AMOTL1: variants seen among roughly 807,000 people sequenced by gnomAD.
AMOTL1 encodes angiomotin like 1.
In AMOTL1, 45 loss-of-function variants were observed where a neutral mutation model predicts 102.9. The ratio of observed to expected loss-of-function variants is 0.44; its 90% confidence interval spans 0.34 to 0.56. AMOTL1 has a LOEUF of 0.56. Ranked by LOEUF, AMOTL1 falls within the 20% of genes least tolerant of loss-of-function variation. The pLI, the probability that AMOTL1 is intolerant of heterozygous loss-of-function variation, is 0.01. For synonymous variants in AMOTL1, 481 were observed against 484.7 expected (o/e 0.99, Z 0.10); for missense variants, 1,114 against 1,225.6 (o/e 0.91, Z 1.36).
intron 11 of AMOTL1, among the ~76,000 whole-genome samples, chr11:94,867,829 C>T (rs937539336): frequency 4.6e-5 from 7 of 152,118 alleles, no homozygotes; most frequent in African/African-American, 1.2e-4. Context: ...ACAGGCTGGG[C>T]GATGAAGTGG....
At chr11:94,820,577 G>A (rs756752250) in intron 3 of AMOTL1, among the ~76,000 whole-genome samples, 3 of 152,188 alleles carry the variant, frequency 2.0e-5, no homozygotes, top group Non-Finnish European at 4.4e-5. Context: ...GCAGACAATC[G>A]CGGGGTTGGA....
intron 1 of AMOTL1, among the ~76,000 whole-genome samples, chr11:94,793,542 T>C (rs76478614): frequency 0.036 from 5,434 of 152,328 alleles, 406 homozygotes; most frequent in East Asian, 0.28. Context: ...ACCTTGTACC[T>C]TTTTCATTTT....
Position 94,799,922 on chromosome 11 carries a change from G to A in AMOTL1, c.732G>A (p.Ala244=), listed in dbSNP as rs374984236. Reference sequence around the variant, plus strand: ...TGAACCGTGCCAACAGTGGACAGGCGCATAAGGACGAGGCGCTGAAGGAAC... The same window carrying A: ...TGAACCGTGCCAACAGTGGACAGGCACATAAGGACGAGGCGCTGAAGGAAC... ...PTVNRANSGQ[A]HKDEALKELK... The change falls in exon 3 of 13, where the codon GCG becomes GCA. Residue 244 remains alanine (A), a synonymous_variant. Coordinates refer to ENST00000433060, the MANE Select transcript of AMOTL1 (RefSeq NM_130847.3). This position sits in a 1 kb window ranked among gnomAD's most constrained non-coding sequence, Gnocchi z 4.5. 21 of 1,611,248 alleles carry A rather than the reference G, an allele frequency of 1.3e-5. No homozygotes were observed. Among genetic ancestry groups the A allele is most frequent in the African/African-American group, 4.0e-5 (3 of 74,932 alleles).
intron 1 of AMOTL1, among the ~76,000 whole-genome samples, chr11:94,775,131 G>A (rs1328908244): frequency 6.6e-6 from 1 of 152,198 alleles, no homozygotes; most frequent in Non-Finnish European, 1.5e-5. Flanking sequence ...CATAAGAAGT[G>A]AAATTTTGTG....
chr11:94,732,131 G>A (rs1950364186), intron 2 of AMOTL1, among the ~76,000 whole-genome samples: 1 of 152,164 alleles, frequency 6.6e-6, no homozygotes, highest in Non-Finnish European at 1.5e-5. Context: ...TATCTCTGAG[G>A]CTCAATATGG....
At chr11:94,852,267 C>T (rs1174824564) in intron 7 of AMOTL1, among the ~76,000 whole-genome samples, 4 of 152,206 alleles carry the variant, frequency 2.6e-5, no homozygotes, top group Non-Finnish European at 5.9e-5. Flanking sequence ...GCTCTCTCCT[C>T]CTTGAAAGGT....
chr11:94,727,067 G>A (rs753210498), intron 1 of AMOTL1, among the ~76,000 whole-genome samples: 2 of 152,120 alleles, frequency 1.3e-5, no homozygotes, highest in Non-Finnish European at 2.9e-5. Flanking sequence ...TTGCAAATCT[G>A]TTTCCTGGAA....
chr11:94,713,360 T>C (rs929242795), intron 1 of AMOTL1, among the ~76,000 whole-genome samples: 13 of 151,986 alleles, frequency 8.6e-5, no homozygotes, highest in African/African-American at 2.9e-4. Flanking sequence ...TAGAGATCCT[T>C]GGGACTTTTA....
intron 9 of AMOTL1, among the ~76,000 whole-genome samples, chr11:94,861,753 G>A (rs1015505918): frequency 6.6e-6 from 1 of 152,212 alleles, no homozygotes; most frequent in African/African-American, 2.4e-5. Context: ...GCTTCCACGT[G>A]TCATTGTTGT....
chr11:94,752,864 C>T (rs1048478904), intron 3 of AMOTL1, among the ~76,000 whole-genome samples: 1 of 152,132 alleles, frequency 6.6e-6, no homozygotes, highest in Non-Finnish European at 1.5e-5. Flanking sequence ...GTACAATAGT[C>T]TACTGCTGGG....
intron 3 of AMOTL1, among the ~76,000 whole-genome samples, chr11:94,752,020 A>G (rs1010727306): frequency 1.3e-5 from 2 of 152,180 alleles, no homozygotes; most frequent in African/African-American, 4.8e-5. Flanking sequence ...TACTATGATT[A>G]TGGTTTCTGG....
At chr11:94,732,222 C>T (rs1353301770) in intron 2 of AMOTL1, among the ~76,000 whole-genome samples, 2 of 152,188 alleles carry the variant, frequency 1.3e-5, no homozygotes, top group East Asian at 1.9e-4. Flanking sequence ...TGTTGGCTTC[C>T]TGCAGTCCAC....
In AMOTL1 at chr11:94,800,079, G is replaced by T. The variant is rs1163398660; in HGVS notation, c.889G>T (p.Ala297Ser). The T allele has an allele frequency of 1.2e-6, 2 of 1,613,930 alleles. No individual in the cohort carries two copies. Among genetic ancestry groups the T allele is most frequent in the East Asian group, 2.2e-5 (1 of 44,876 alleles). ...CAAAGTAGGAGGGGGGCCCTCCCCTGCCCAGCCTGCAGGTAAAGTGCTGGA... is the reference window on the plus strand; with the variant it reads ...CAAAGTAGGAGGGGGGCCCTCCCCTTCCCAGCCTGCAGGTAAAGTGCTGGA... ...GFKVGGGPSP[A>S]QPAGKVLDPR... Residue 297 changes from alanine to serine, a missense_variant, in exon 3 of 13, where the codon GCC becomes TCC. Transcript: ENST00000433060.
intron 4 of AMOTL1, among the ~76,000 whole-genome samples, chr11:94,827,589 AGCGGTTCATGATATCT>A (rs1457906077): frequency 6.6e-6 from 1 of 152,250 alleles, no homozygotes; most frequent in Non-Finnish European, 1.5e-5. Context: ...CTGCATTACC[AGCGGTTCATGATATCT>A]GTGGACGAAT....
In AMOTL1 at chr11:94,813,021, G is replaced by A. The variant is rs542529543; in HGVS notation, c.1122-8509G>A. 5.9e-5 allele frequency among the ~76,000 whole-genome samples: 9 copies of A among 152,332 alleles called. No homozygotes were observed. In the East Asian group the frequency reaches 1.5e-3, roughly 26 times the overall value. Reference sequence around the variant, plus strand: ...TCCATAACTTGTAGCCATCCATAGCGAAAGCTCTCAGAGCTACCCCCATTC... The same window carrying A: ...TCCATAACTTGTAGCCATCCATAGCAAAAGCTCTCAGAGCTACCCCCATTC... On this transcript the variant is annotated intron_variant, in intron 3 of 12. Coordinates refer to ENST00000433060, the MANE Select transcript of AMOTL1 (RefSeq NM_130847.3).
Position 94,799,766 on chromosome 11 carries a change from G to A in AMOTL1, c.576G>A (p.Glu192=), listed in dbSNP as rs1400318416. Residue 192 remains glutamate (E), a synonymous_variant, in exon 3 of 13, where the codon GAG becomes GAA. Transcript: ENST00000433060. This position sits in a 1 kb window ranked among gnomAD's most constrained non-coding sequence, Gnocchi z 4.5. ...ACAACGAGGAACTGCCCACTTACGA[G>A]GAGGCCAAAGCACAGTCGCAGTTCT... The part of the protein sequence containing the change: ...QQNNEELPTY[E]EAKAQSQFFR... 1 of 1,608,798 alleles carries A rather than the reference G, an allele frequency of 6.2e-7. No homozygotes were observed. Among genetic ancestry groups the A allele is most frequent in the African/African-American group, 1.3e-5 (1 of 74,898 alleles).
chr11:94,821,674 T>C lies in AMOTL1; in HGVS notation c.1266T>C (p.Pro422=). 6.2e-7 allele frequency: 1 copy of C among 1,613,976 alleles called. No homozygotes were observed. The highest frequency in any genetic ancestry group is 8.5e-7 in the Non-Finnish European group (1 of 1,179,874). ...CCCTGGGTGCTCCACAGCCCCCGCC[T>C]GCCGCCTCCCCCAGCCAGCAGCTTG... is the stretch of plus-strand genomic sequence containing the variant. ...PMALGAPQPP[P]AASPSQQLGP... is the part of the protein sequence containing the mutation. Residue 422 remains proline (P), a synonymous_variant, in exon 4 of 13, where the codon CCT becomes CCC. Transcript: ENST00000433060.
intron 3 of AMOTL1, among the ~76,000 whole-genome samples, chr11:94,812,918 A>G (rs1951707432): frequency 6.6e-6 from 1 of 152,092 alleles, no homozygotes; most frequent in Admixed American, 6.5e-5. Flanking sequence ...CAAATCATCC[A>G]CATTCCATAT....
At chr11:94,708,807 CT>C (rs1269100485) in intron 1 of AMOTL1, among the ~76,000 whole-genome samples, 1 of 152,126 alleles carries the variant, frequency 6.6e-6, no homozygotes, top group African/African-American at 2.4e-5. Flanking sequence ...CTATAAACGT[CT>C]ATAAAGCAAG....
Sources: gnomAD v4.1 joint callset for allele counts (sites outside exome capture counted in the v4.1 genomes callset) on GRCh38, gnomAD v4.1.1 for gene constraint, Gnocchi (gnomAD v3.1) non-coding constraint, MANE v1.5 for transcripts, NCBI Gene and HGNC (gene_info 2026-07-23, HGNC 2026-07-21) for gene names.